Variants in DNAJC1 observed in about 807,000 individuals in gnomAD.
DNAJC1 encodes DnaJ heat shock protein family (Hsp40) member C1, also known as dnaJ homolog subfamily C member 1.
Under a neutral mutation model 76.6 loss-of-function variants are expected in DNAJC1, and 58 were observed. The observed-to-expected ratio is 0.76, with a 90% CI of 0.61 to 0.94. The LOEUF is 0.94. DNAJC1 is among the 40% of genes least tolerant of loss of function. The pLI is 0.00. For synonymous variants in DNAJC1, 258 were observed against 267.9 expected, an observed-to-expected ratio of 0.96 and a Z score of 0.36; for missense variants, 689 against 677.3, an observed-to-expected ratio of 1.02 and a Z score of -0.19.
chr10:21,818,514 C>T (rs1007136874), intron 8 of DNAJC1, among the ~76,000 whole-genome samples: 2 of 152,170 alleles, frequency 1.3e-5, no homozygotes, highest in African/African-American at 2.4e-5. Flanking sequence ...GTGACCCACA[C>T]CCTTTTCGTA....
intron 10 of DNAJC1, among the ~76,000 whole-genome samples, chr10:21,760,756 A>G (rs895126862): frequency 7.2e-5 from 11 of 152,228 alleles, no homozygotes; most frequent in Non-Finnish European, 1.0e-4. Flanking sequence ...TAGCCTTTTT[A>G]AAGAACAATT....
At chr10:21,848,324 G>A (rs1043090654) in intron 8 of DNAJC1, among the ~76,000 whole-genome samples, 2 of 152,058 alleles carry the variant, frequency 1.3e-5, no homozygotes, top group African/African-American at 2.4e-5. Context: ...ATTGAGTTGA[G>A]TTTCTTATAT....
At chr10:21,931,874 C>G (rs1837230885) in intron 1 of DNAJC1, among the ~76,000 whole-genome samples, 1 of 152,144 alleles carries the variant, frequency 6.6e-6, no homozygotes, top group Admixed American at 6.5e-5. Context: ...ATCTTTAACT[C>G]TTTTCATATT....
chr10:21,977,679 A>G (rs1326815797), intron 1 of DNAJC1, among the ~76,000 whole-genome samples: 1 of 152,180 alleles, frequency 6.6e-6, no homozygotes, highest in African/African-American at 2.4e-5. Flanking sequence ...AAATAAAAGA[A>G]AAACATCTTA....
chr10:21,890,417 C>T (rs565427720), intron 7 of DNAJC1, among the ~76,000 whole-genome samples: 4 of 145,552 alleles, frequency 2.7e-5, no homozygotes, highest in African/African-American at 8.0e-5. Context: ...CATATCCCCC[C>T]CTACAAAAAA....
intron 1 of DNAJC1, among the ~76,000 whole-genome samples, chr10:21,998,556 CCT>C (rs1204450009): frequency 6.6e-6 from 1 of 151,990 alleles, no homozygotes; most frequent in Non-Finnish European, 1.5e-5. Flanking sequence ...TTCCTACACT[CCT>C]CTCTCATCTT....
At chr10:21,789,734 G>C (rs766419480) in intron 9 of DNAJC1, among the ~76,000 whole-genome samples, 1 of 152,106 alleles carries the variant, frequency 6.6e-6, no homozygotes, top group Non-Finnish European at 1.5e-5. Flanking sequence ...ATACAGCCAG[G>C]TGCAGTGGCT....
intron 9 of DNAJC1, among the ~76,000 whole-genome samples, chr10:21,787,011 T>C (rs1834620033): frequency 6.6e-6 from 1 of 152,144 alleles, no homozygotes; most frequent in Admixed American, 6.5e-5. Context: ...AAAAATCTAA[T>C]GTTCTAAAAT....
rs1392929747 is a variant in DNAJC1 at position 21,809,383 on chromosome 10, AATT to A, written c.979-3287_979-3285del. On this transcript the variant is annotated intron_variant, in intron 8 of 11. Coordinates refer to ENST00000376980, the MANE Select transcript of DNAJC1 (RefSeq NM_022365.4). Reference sequence around the variant, plus strand: ...TCTATTGAAATGACCTATTAATAATAATTATTTATATAAATACAGAAGCTAAAA... The same window carrying A: ...TCTATTGAAATGACCTATTAATAATAATTTATATAAATACAGAAGCTAAAA... Among the ~76,000 whole-genome samples the A allele has an allele frequency of 2.6e-5, 4 of 152,004 alleles. No individual in the cohort carries two copies. The East Asian group carries it at 5.8e-4, about 22-fold the overall frequency.
chr10:21,803,745 T>C, intron 9 of DNAJC1: 1 of 734,078 alleles, frequency 1.4e-6, no homozygotes. Flanking sequence ...GGTCTATATA[T>C]ATATTGACAT....
intron 9 of DNAJC1, among the ~76,000 whole-genome samples, chr10:21,783,783 C>G (rs1161970216): frequency 3.9e-5 from 6 of 152,076 alleles, no homozygotes; most frequent in South Asian, 2.1e-4. Flanking sequence ...ACAAACCTGA[C>G]AAAAACAAGA....
intron 8 of DNAJC1, among the ~76,000 whole-genome samples, chr10:21,819,677 C>T (rs560238470): frequency 6.6e-6 from 1 of 152,196 alleles, no homozygotes; most frequent in African/African-American, 2.4e-5. Context: ...CACCTGTAAT[C>T]CCAGCACTTT....
At position 21,778,663 on chromosome 10, in the gene DNAJC1, T is replaced by A. The variant is rs565865046; in HGVS notation, c.1099-12354A>T. On this transcript the variant is annotated intron_variant, in intron 9 of 11. Transcript: ENST00000376980. ...AACAGCTCTAGTCTACAGCTCCCAG[T>A]GTGAGCGACGGAGAAGACGGGTGAT... is the stretch of plus-strand genomic sequence containing the variant. 1.0e-3 allele frequency among the ~76,000 whole-genome samples: 154 copies of A among 152,266 alleles called. 2 individuals carry two copies. The highest frequency in any genetic ancestry group is 3.6e-3 in the African/African-American group (148 of 41,558).
At chr10:21,759,820 G>A (rs1834220445) in intron 10 of DNAJC1, among the ~76,000 whole-genome samples, 1 of 152,192 alleles carries the variant, frequency 6.6e-6, no homozygotes, top group Non-Finnish European at 1.5e-5. Context: ...GACTCAGAAA[G>A]CACTAGAGTG....
chr10:21,814,828 C>A (rs559640031), intron 8 of DNAJC1, among the ~76,000 whole-genome samples: 15 of 152,154 alleles, frequency 9.9e-5, no homozygotes, highest in Non-Finnish European at 1.9e-4. Context: ...AGTAACCTCA[C>A]AGAAAATGAG....
At chr10:21,871,699 G>A (rs1397693514) in intron 8 of DNAJC1, among the ~76,000 whole-genome samples, 1 of 151,988 alleles carries the variant, frequency 6.6e-6, no homozygotes, top group South Asian at 2.1e-4. Context: ...CCAGGCTGGA[G>A]TGCAGTGGCG....
rs145003642 is a variant in DNAJC1 at position 21,989,097 on chromosome 10, G to C, written c.222+14116C>G. On this transcript the variant is annotated intron_variant, in intron 1 of 11. Transcript: ENST00000376980. Reference sequence around the variant, plus strand: ...GGGAACAGTTGCTAGAAAGGAACAGGGATGGAATGGTAGACTGTCTCTTTC... The same window carrying C: ...GGGAACAGTTGCTAGAAAGGAACAGCGATGGAATGGTAGACTGTCTCTTTC... Among the ~76,000 whole-genome samples, 1,154 of 152,242 alleles carry C rather than the reference G, an allele frequency of 7.6e-3. 15 individuals are homozygous for C. The highest frequency in any genetic ancestry group is 0.026 in the African/African-American group (1,099 of 41,536).
At chr10:21,851,720 A>C (rs1433923101) in intron 8 of DNAJC1, among the ~76,000 whole-genome samples, 1 of 152,188 alleles carries the variant, frequency 6.6e-6, no homozygotes, top group Non-Finnish European at 1.5e-5. Context: ...TAAAAGGTAG[A>C]AACAGCCCAA....
intron 8 of DNAJC1, among the ~76,000 whole-genome samples, chr10:21,824,717 A>T (rs1261542986): frequency 2.0e-5 from 3 of 152,076 alleles, no homozygotes; most frequent in African/African-American, 7.2e-5. Context: ...TTTTATTTTT[A>T]ATTGTGGTAA....
Sources: gnomAD v4.1 joint callset for allele counts (sites outside exome capture counted in the v4.1 genomes callset) on GRCh38, gnomAD v4.1.1 for gene constraint, MANE v1.5 for transcripts, NCBI Gene and HGNC (gene_info 2026-07-23, HGNC 2026-07-21) for gene names.